The following EEF2K variants were observed in gnomAD, a reference collection of about 807,000 sequenced individuals.
The protein encoded by EEF2K is alternative protein EEF2K.
A neutral mutation model predicts 93.8 loss-of-function variants in EEF2K; 70 were observed. That is an observed-to-expected ratio of 0.75 (90% CI 0.62 to 0.91). The LOEUF (loss-of-function observed/expected upper bound fraction) is 0.91, where lower values mean the gene tolerates loss of function less well. Among genes scored for constraint, EEF2K ranks in the 40% least tolerant of loss-of-function variants. The probability of loss-of-function intolerance (pLI) is 0.00; values close to 1 mark genes in which losing one functional copy is unlikely to be tolerated. For missense variants in EEF2K, 935 were observed against 972.9 expected (o/e 0.96, Z 0.52); for synonymous variants, 376 against 380.8 (o/e 0.99, Z 0.15).
chr16:22,283,328 AAAG>A (rs1396619353), intron 17 of EEF2K, among the ~76,000 whole-genome samples: 5 of 142,924 alleles, frequency 3.5e-5, no homozygotes, highest in Non-Finnish European at 6.0e-5. Flanking sequence ...AAAAAAAAAA[AAAG>A]AAGAAGAATG....
chr16:22,244,305 GTGTGTA>G lies in EEF2K; in HGVS notation c.247-323_247-318del, dbSNP rs1014749838. 4.3e-4 allele frequency among the ~76,000 whole-genome samples: 62 copies of G among 145,138 alleles called. No homozygotes were observed. In the East Asian group the frequency reaches 4.9e-3, roughly 11 times the overall value. On this transcript the variant is annotated intron_variant, in intron 2 of 17. Coordinates refer to ENST00000263026, the MANE Select transcript of EEF2K (RefSeq NM_013302.5). Reference sequence around the variant, plus strand: ...TGTGTGTGTGTGTGTGTGTGTGTGTGTGTGTATATCCTATATAATATATATATAATG... The same window carrying G: ...TGTGTGTGTGTGTGTGTGTGTGTGTGTATCCTATATAATATATATATAATG...
chr16:22,227,623 A>G (rs2047076485), intron 2 of EEF2K, among the ~76,000 whole-genome samples: 1 of 152,226 alleles, frequency 6.6e-6, no homozygotes, highest in African/African-American at 2.4e-5. Flanking sequence ...TACATATTAT[A>G]TATCTGTCAC....
In EEF2K at chr16:22,258,678, A is replaced by C; in HGVS notation, c.1214A>C (p.Gln405Pro). Residue 405 changes from glutamine to proline, a missense_variant, in exon 10 of 18, where the codon CAG (glutamine) becomes CCG (proline). By Grantham distance (76) the Gln-to-Pro change is moderately conservative. Transcript: ENST00000263026. ...CCATCTTCGGCCACACCACACAGCC[A>C]GAAGCTAGACCACCTCCGTGAGTGA... ...SSPSSATPHSQKLDHLHWPVF... is the reference protein window; with the variant it reads ...SSPSSATPHSPKLDHLHWPVF... The C allele has an allele frequency of 6.2e-7, 1 of 1,614,196 alleles. No individual in the cohort carries two copies. Among genetic ancestry groups the C allele is most frequent in the Admixed American group, 1.7e-5 (1 of 60,002 alleles).
intron 5 of EEF2K, 102 bp from the exon 6 acceptor site, chr16:22,251,041 GCCAGCCAC>G (rs1411725992): frequency 2.2e-5 from 31 of 1,394,476 alleles, no homozygotes; most frequent in Non-Finnish European, 2.7e-5. Context: ...TGTTCCTGCT[GCCAGCCAC>G]CCAGCCACAT....
At position 22,243,780 on chromosome 16, in the gene EEF2K, AGGTATAGT is replaced by A. The variant is rs1684717133; in HGVS notation, c.247-846_247-839del. Among the ~76,000 whole-genome samples the A allele has an allele frequency of 7.3e-5, 11 of 150,564 alleles. No individual in the cohort carries two copies. The South Asian group carries it at 2.3e-3, about 32-fold the overall frequency. On this transcript the variant is annotated intron_variant, in intron 2 of 17. Transcript: ENST00000263026. ...CTACCAAAAAGTACAAAAATTAGCC[AGGTATAGT>A]GGTGTGCACCTGTAGGTCCAGCTAC...
At chr16:22,258,771 T>G in intron 10 of EEF2K, 76 bp downstream of exon 10, 1 of 1,577,780 alleles carries the variant, frequency 6.3e-7, no homozygotes, top group African/African-American at 1.4e-5. Context: ...CTTTCATTTA[T>G]GTTAGAAAAA....
intron 14 of EEF2K, 62 bp downstream of exon 14, chr16:22,266,586 C>A (rs1181581161): frequency 1.6e-5 from 26 of 1,600,660 alleles, no homozygotes; most frequent in Non-Finnish European, 2.1e-5. Flanking sequence ...CAGCTCCAGC[C>A]TCTCCTCCGC....
intron 2 of EEF2K, among the ~76,000 whole-genome samples, chr16:22,236,339 CTTTTT>C (rs11353273): frequency 7.3e-6 from 1 of 137,142 alleles, no homozygotes; most frequent in African/African-American, 2.7e-5. Context: ...AGTTGTATTT[CTTTTT>C]TTTTTTTTTT....
intron 16 of EEF2K, among the ~76,000 whole-genome samples, chr16:22,279,229 G>T (rs1196744388): frequency 6.9e-6 from 1 of 144,272 alleles, no homozygotes; most frequent in Non-Finnish European, 1.5e-5. Flanking sequence ...AAAGCAACTT[G>T]ACTCCTCTTT....
rs374386704 is a variant in EEF2K, at chr16:22,266,707, G to A, written c.1595G>A (p.Arg532His). ...ILGKVHLAMV[R>H]YHEGGRFCEK... is the part of the protein sequence containing the mutation. Reference sequence around the variant, plus strand: ...TGGCAGGTCCATCTGGCCATGGTGCGCTACCACGAGGGTGGGCGCTTCTGC... The same window carrying A: ...TGGCAGGTCCATCTGGCCATGGTGCACTACCACGAGGGTGGGCGCTTCTGC... Residue 532 changes from arginine to histidine, a missense_variant, in exon 15 of 18, where the codon CGC (arginine) becomes CAC (histidine). Transcript: ENST00000263026. 30 of 1,611,496 alleles carry A rather than the reference G, an allele frequency of 1.9e-5. No homozygotes were observed. The highest frequency in any genetic ancestry group is 6.7e-5 in the East Asian group (3 of 44,876).
intron 15 of EEF2K, among the ~76,000 whole-genome samples, chr16:22,269,396 C>G (rs775991439): frequency 6.6e-6 from 1 of 151,938 alleles, no homozygotes; most frequent in Non-Finnish European, 1.5e-5. Flanking sequence ...CCAGTGTGAC[C>G]TCATCTTAAT....
chr16:22,233,228 A>G (rs1229601350), intron 2 of EEF2K, among the ~76,000 whole-genome samples: 1 of 152,140 alleles, frequency 6.6e-6, no homozygotes, highest in Non-Finnish European at 1.5e-5. Context: ...GCCTGAGGGG[A>G]AGCACATCAC....
chr16:22,211,849 C>G (rs1203996881), intron 1 of EEF2K, among the ~76,000 whole-genome samples: 1 of 152,132 alleles, frequency 6.6e-6, no homozygotes, highest in Non-Finnish European at 1.5e-5. Context: ...ATGCAGCATG[C>G]ACTTGTGCAT....
At chr16:22,220,258 G>C (rs1035541014) in intron 1 of EEF2K, among the ~76,000 whole-genome samples, 1 of 152,240 alleles carries the variant, frequency 6.6e-6, no homozygotes, top group African/African-American at 2.4e-5. Flanking sequence ...ACAAGGCGCT[G>C]TGCCAGGCAG....
intron 1 of EEF2K, among the ~76,000 whole-genome samples, chr16:22,222,991 T>C (rs2047029180): frequency 6.6e-6 from 1 of 152,084 alleles, no homozygotes; most frequent in Admixed American, 6.6e-5. Context: ...TTAGCAATCA[T>C]TCCCCATTTC....
chr16:22,273,425 C>T (rs577790150), intron 15 of EEF2K, among the ~76,000 whole-genome samples: 1 of 152,220 alleles, frequency 6.6e-6, no homozygotes, highest in South Asian at 2.1e-4. Flanking sequence ...CCCACCCCAT[C>T]CCTGTTTTAG....
At chr16:22,266,204 A>G (rs1404252036) in intron 13 of EEF2K, among the ~76,000 whole-genome samples, 186 bp from the exon 14 acceptor site, 1 of 151,596 alleles carries the variant, frequency 6.6e-6, no homozygotes, top group Non-Finnish European at 1.5e-5. Flanking sequence ...CCTGGGCAAT[A>G]GAGTGAGACT....
chr16:22,281,806 A>G (rs561465287), intron 17 of EEF2K, among the ~76,000 whole-genome samples: 9 of 152,276 alleles, frequency 5.9e-5, no homozygotes, highest in Admixed American at 5.9e-4. Context: ...TGTTATCAGT[A>G]CTTCATTCCT....
chr16:22,215,513 G>A (rs745374120), intron 1 of EEF2K, among the ~76,000 whole-genome samples: 4 of 152,178 alleles, frequency 2.6e-5, no homozygotes, highest in Admixed American at 1.3e-4. Context: ...TCTCTCAATA[G>A]TTTAAATAAA....
Sources: gnomAD v4.1 joint callset for allele counts (sites outside exome capture counted in the v4.1 genomes callset) on GRCh38, gnomAD v4.1.1 for gene constraint, MANE v1.5 for transcripts, NCBI Gene and HGNC (gene_info 2026-07-23, HGNC 2026-07-21) for gene names.